Variants in SLC9C1 observed in about 807,000 individuals in gnomAD.
SLC9C1 encodes solute carrier family 9 member C1, also known as sodium/hydrogen exchanger 10.
A neutral mutation model predicts 140.9 loss-of-function variants in SLC9C1; 97 were observed. The ratio of observed to expected loss-of-function variants is 0.69; its 90% CI spans 0.58 to 0.82. The LOEUF (loss-of-function observed/expected upper bound fraction) is 0.82. SLC9C1 is among the 40% of genes least tolerant of loss of function. The probability of loss-of-function intolerance (pLI) is 0.00; values close to 1 mark genes in which losing one functional copy is unlikely to be tolerated. For synonymous variants in SLC9C1, 440 were observed against 442.6 expected, an observed-to-expected ratio of 0.99 and a Z score of 0.07; for missense variants, 1,340 against 1,389.3, an observed-to-expected ratio of 0.96 and a Z score of 0.56.
intron 23 of SLC9C1, among the ~76,000 whole-genome samples, chr3:112,174,041 C>T (rs184905220): frequency 7.9e-5 from 12 of 152,174 alleles, no homozygotes; most frequent in South Asian, 2.1e-4. Flanking sequence ...GGTTAGTGAT[C>T]GTCAGAATTT....
chr3:112,177,873 A>G (rs2077369670), intron 23 of SLC9C1, among the ~76,000 whole-genome samples: 1 of 150,792 alleles, frequency 6.6e-6, no homozygotes, highest in Non-Finnish European at 1.5e-5. Flanking sequence ...TTTTATGCAA[A>G]TTCCAGGTAT....
chr3:112,181,933 CAG>C (rs2077447465), intron 21 of SLC9C1, among the ~76,000 whole-genome samples, 198 bp downstream of exon 21: 1 of 152,116 alleles, frequency 6.6e-6, no homozygotes, highest in South Asian at 2.1e-4. Context: ...CAATGGAAAA[CAG>C]AAGACAAAGC....
intron 10 of SLC9C1, among the ~76,000 whole-genome samples, chr3:112,261,114 C>T (rs2108288299): frequency 6.6e-6 from 1 of 152,194 alleles, no homozygotes; most frequent in African/African-American, 2.4e-5. Context: ...TGTTCCATTT[C>T]TCTGAAGGAT....
At chr3:112,150,795 T>TATATATATATATAAATACATATAC (rs1560003239) in intron 28 of SLC9C1, among the ~76,000 whole-genome samples, 22 of 43,390 alleles carry the variant, frequency 5.1e-4, no homozygotes, top group Middle Eastern at 0.015. Flanking sequence ...TACATATACA[T>TATATATATATATAAATACATATAC]ATATATATAT....
At chr3:112,215,555 T>C (rs1386248064) in intron 15 of SLC9C1, among the ~76,000 whole-genome samples, 1 of 152,088 alleles carries the variant, frequency 6.6e-6, no homozygotes, top group African/African-American at 2.4e-5. Context: ...AGCATTCTTA[T>C]ACACCAATAA....
intron 26 of SLC9C1, among the ~76,000 whole-genome samples, chr3:112,166,210 G>A (rs1477078487): frequency 6.6e-6 from 1 of 152,182 alleles, no homozygotes; most frequent in Non-Finnish European, 1.5e-5. Context: ...CTAACCCCTT[G>A]TGCTTCCCAG....
In SLC9C1 at chr3:112,280,667, C is replaced by A; in HGVS notation, c.189+16G>T. The A allele has an allele frequency of 6.4e-7, 1 of 1,558,628 alleles. No homozygotes were observed. The highest frequency in any genetic ancestry group is 1.2e-5 in the South Asian group (1 of 83,944). On this transcript the variant is annotated intron_variant, in intron 3 of 28. Coordinates refer to ENST00000305815, the MANE Select transcript of SLC9C1 (RefSeq NM_183061.3). ...TCTCAAATAAATAGTGTAAAATACT[C>A]ATTTACAATACACACCTGTGAAGAT...
At chr3:112,221,276 C>A in intron 13 of SLC9C1, 51 bp from the exon 14 acceptor site, 1 of 1,464,142 alleles carries the variant, frequency 6.8e-7, no homozygotes, top group South Asian at 1.2e-5. Context: ...ACGATGACAA[C>A]TTATTACAAT....
In SLC9C1 at chr3:112,234,521, C is replaced by T. The variant is rs960377994; in HGVS notation, c.1447-3035G>A. Among the ~76,000 whole-genome samples the T allele has an allele frequency of 8.5e-5, 13 of 152,236 alleles. No individual in the cohort carries two copies. The South Asian group carries it at 2.7e-3, about 32-fold the overall frequency. ...TCAATTTTGGCTTTTGTTGCCATTG[C>T]TTTTGGTGTTTTAGACATGAAGTCC... On this transcript the variant is annotated intron_variant, in intron 12 of 28. Coordinates refer to ENST00000305815, the MANE Select transcript of SLC9C1 (RefSeq NM_183061.3).
chr3:112,218,643 C>T (rs1356313312), intron 14 of SLC9C1, among the ~76,000 whole-genome samples: 1 of 152,070 alleles, frequency 6.6e-6, no homozygotes. Context: ...TAAAGAAATA[C>T]TGGTCTGCCC....
At chr3:112,160,804 C>T (rs567922231) in intron 26 of SLC9C1, among the ~76,000 whole-genome samples, 1,753 of 151,652 alleles carry the variant, frequency 0.012, 44 homozygotes, top group African/African-American at 0.039. Context: ...ATGGCTGGGT[C>T]AAATGGTATT....
At chr3:112,227,947 T>C (rs1240452097) in intron 13 of SLC9C1, among the ~76,000 whole-genome samples, 1 of 152,076 alleles carries the variant, frequency 6.6e-6, no homozygotes, top group Non-Finnish European at 1.5e-5. Context: ...CATGTTCATA[T>C]ATTGGAAGAA....
chr3:112,236,970 G>A (rs994453508), intron 12 of SLC9C1, among the ~76,000 whole-genome samples: 10 of 152,216 alleles, frequency 6.6e-5, no homozygotes, highest in African/African-American at 2.4e-4. Flanking sequence ...TTCTGTAGAT[G>A]TCTGTTAGGT....
At chr3:112,240,174 T>C (rs2079103020) in intron 11 of SLC9C1, among the ~76,000 whole-genome samples, 168 bp from the exon 12 acceptor site, 1 of 152,254 alleles carries the variant, frequency 6.6e-6, no homozygotes, top group African/African-American at 2.4e-5. Flanking sequence ...TCTGCTTTCA[T>C]ATTTCTTCTC....
At chr3:112,146,422 C>A (rs78077795) in intron 28 of SLC9C1, among the ~76,000 whole-genome samples, 4,261 of 152,156 alleles carry the variant, frequency 0.028, 157 homozygotes, top group East Asian at 0.16. Flanking sequence ...AATTTGAGAT[C>A]TTTCTAACTT....
intron 10 of SLC9C1, among the ~76,000 whole-genome samples, chr3:112,248,680 G>A (rs2079362393): frequency 6.6e-6 from 1 of 152,040 alleles, no homozygotes; most frequent in African/African-American, 2.4e-5. Flanking sequence ...GTAGGACATT[G>A]AGCATAATGT....
chr3:112,240,035 A>G (rs2079099302), intron 11 of SLC9C1, 29 bp from the exon 12 acceptor site: 1 of 1,570,752 alleles, frequency 6.4e-7, no homozygotes, highest in Non-Finnish European at 8.6e-7. Context: ...TTTGATAAAT[A>G]GTAGAAACAC....
At chr3:112,142,669 A>G (rs1025799309) in intron 28 of SLC9C1, among the ~76,000 whole-genome samples, 1 of 152,228 alleles carries the variant, frequency 6.6e-6, no homozygotes, top group Non-Finnish European at 1.5e-5. Flanking sequence ...ATATACAAAA[A>G]AGAGAATATC....
At chr3:112,244,141 C>T in intron 10 of SLC9C1, 65 bp from the exon 11 acceptor site, 1 of 973,542 alleles carries the variant, frequency 1.0e-6, no homozygotes, top group Non-Finnish European at 1.5e-6. Context: ...CCTATATTTA[C>T]CAATATAAAT....
Sources: gnomAD v4.1 joint callset for allele counts (sites outside exome capture counted in the v4.1 genomes callset) on GRCh38, gnomAD v4.1.1 for gene constraint, MANE v1.5 for transcripts, NCBI Gene and HGNC (gene_info 2026-07-23, HGNC 2026-07-21) for gene names.